SEMA5B: variants seen among roughly 807,000 people sequenced by gnomAD.
SEMA5B encodes the protein semaphorin-5B.
In SEMA5B, 66 loss-of-function variants were observed where a neutral mutation model predicts 135.0. The ratio of observed to expected loss-of-function variants is 0.49; its 90% CI spans 0.40 to 0.60. SEMA5B has a LOEUF of 0.60. Among genes scored for constraint, SEMA5B ranks in the 20% least tolerant of loss-of-function variants. The pLI, the probability that SEMA5B is intolerant of heterozygous loss-of-function variation, is 0.00. For missense variants in SEMA5B, 1,501 were observed against 1,566.3 expected, an observed-to-expected ratio of 0.96 and a Z score of 0.70; for synonymous variants, 690 against 639.5, an observed-to-expected ratio of 1.08 and a Z score of -1.19.
At chr3:122,941,565 C>T (rs989552451) in intron 4 of SEMA5B, among the ~76,000 whole-genome samples, 6 of 152,384 alleles carry the variant, frequency 3.9e-5, no homozygotes, top group Admixed American at 2.6e-4. Context: ...AGATTAAATA[C>T]ATGTGTGATT....
At chr3:123,020,112 G>T (rs188967144) in intron 1 of SEMA5B, among the ~76,000 whole-genome samples, 1 of 152,206 alleles carries the variant, frequency 6.6e-6, no homozygotes, top group African/African-American at 2.4e-5. Flanking sequence ...ATCATTGATA[G>T]GCACAAAGAT....
chr3:122,915,618 G>T lies in SEMA5B; in HGVS notation c.1810C>A (p.Arg604=), dbSNP rs757738307. 3.7e-6 allele frequency: 6 copies of T among 1,610,896 alleles called. No homozygotes were observed. Among genetic ancestry groups the T allele is most frequent in the Admixed American group, 1.7e-5 (1 of 59,808 alleles). ...AAGCCCCCATCCCGTGTCACATTCC[G>T]CACCTGAAGACACACATGGGAGACA... ...WTQNITACPV[R]NVTRDGGFGP... Residue 604 remains arginine, a synonymous_variant, in exon 14 of 23, where the codon CGG becomes AGG. Coordinates refer to ENST00000357599, the MANE Select transcript of SEMA5B (RefSeq NM_001031702.4).
intron 8 of SEMA5B, 121 bp from the exon 9 acceptor site, chr3:122,926,798 A>G: frequency 8.7e-7 from 1 of 1,142,886 alleles, no homozygotes; most frequent in Non-Finnish European, 1.3e-6. Flanking sequence ...TTCTCTCTGC[A>G]ATCTTGGTGA....
intron 4 of SEMA5B, among the ~76,000 whole-genome samples, chr3:122,940,219 T>G (rs534646726): frequency 6.6e-6 from 1 of 152,210 alleles, no homozygotes; most frequent in Non-Finnish European, 1.5e-5. Context: ...TATCAGACAC[T>G]TATTGAGTAT....
rs745739010 is a variant in SEMA5B at position 122,961,180 on chromosome 3, A to G, written c.84T>C (p.Cys28=). Residue 28 remains cysteine, a synonymous_variant, in exon 2 of 23, where the codon TGT becomes TGC. Transcript: ENST00000357599. Reference sequence around the variant, plus strand: ...GAAGCCAGCCCCCTACTGTCCATCCACACCTTAGCTGTTGGGCTGGGGTAT... The same window carrying G: ...GAAGCCAGCCCCCTACTGTCCATCCGCACCTTAGCTGTTGGGCTGGGGTAT... ...PPDTPAQQLR[C]GWTVGGWLLS... is the part of the protein sequence containing the mutation. 34 of 1,613,442 alleles carry G rather than the reference A, an allele frequency of 2.1e-5. No individual in the cohort carries two copies. In the East Asian group the frequency reaches 7.6e-4, roughly 36 times the overall value.
intron 12 of SEMA5B, among the ~76,000 whole-genome samples, chr3:122,921,192 G>A (rs1466284716): frequency 1.3e-5 from 2 of 152,250 alleles, no homozygotes; most frequent in African/African-American, 4.8e-5. Flanking sequence ...GGCTGTGGTG[G>A]TGCCAGCTTC....
At chr3:122,928,701 G>T in intron 6 of SEMA5B, 86 bp from the exon 7 acceptor site, 3 of 1,020,898 alleles carry the variant, frequency 2.9e-6, no homozygotes, top group Non-Finnish European at 4.4e-6. Context: ...CGTCATGGAT[G>T]CCAACAAGTA....
chr3:122,996,252 C>T (rs975883917), intron 1 of SEMA5B, among the ~76,000 whole-genome samples: 12 of 152,228 alleles, frequency 7.9e-5, no homozygotes, highest in Non-Finnish European at 1.3e-4. Flanking sequence ...CTGGCCTTGG[C>T]GGCTACGGGT....
chr3:123,010,593 A>C (rs780224624), intron 1 of SEMA5B, among the ~76,000 whole-genome samples: 1 of 151,916 alleles, frequency 6.6e-6, no homozygotes, highest in Non-Finnish European at 1.5e-5. Flanking sequence ...GGCAGATCAC[A>C]AGGTCAAGAC....
intron 5 of SEMA5B, among the ~76,000 whole-genome samples, chr3:122,935,289 C>T (rs1245962634): frequency 2.7e-5 from 4 of 149,754 alleles, no homozygotes; most frequent in Admixed American, 1.3e-4. Context: ...CAAAGACTCC[C>T]TTAGTCTCCT....
chr3:122,974,100 C>A (rs1408028553), intron 1 of SEMA5B, among the ~76,000 whole-genome samples: 1 of 146,338 alleles, frequency 6.8e-6, no homozygotes, highest in Non-Finnish European at 1.5e-5. Context: ...AGGCACACCA[C>A]CCCCCATCTG....
intron 1 of SEMA5B, among the ~76,000 whole-genome samples, chr3:122,981,950 C>T (rs1941533488): frequency 1.3e-5 from 2 of 152,204 alleles, no homozygotes; most frequent in Admixed American, 1.3e-4. Flanking sequence ...CATGGCAGGT[C>T]ATCAGCCCCT....
intron 5 of SEMA5B, among the ~76,000 whole-genome samples, chr3:122,932,243 ATTT>A (rs71136597): frequency 2.3e-4 from 20 of 85,388 alleles, no homozygotes; most frequent in South Asian, 1.1e-3. Context: ...TCTCAATATG[ATTT>A]TTTTTTTTTT....
At position 122,956,872 on chromosome 3, in the gene SEMA5B, G is replaced by A. The variant is rs140473029; in HGVS notation, c.124+4268C>T. Among the ~76,000 whole-genome samples, 491 of 152,282 alleles carry A rather than the reference G, an allele frequency of 3.2e-3. 4 individuals carry two copies. The highest frequency in any genetic ancestry group is 0.011 in the African/African-American group (470 of 41,568). On this transcript the variant is annotated intron_variant, in intron 2 of 22. Transcript: ENST00000357599. Reference sequence around the variant, plus strand: ...AAAACGTCCTGGGAAAGCGGGTGACGGGCTGCAGTCAGGCGGGTGTCTAAG... The same window carrying A: ...AAAACGTCCTGGGAAAGCGGGTGACAGGCTGCAGTCAGGCGGGTGTCTAAG...
intron 1 of SEMA5B, among the ~76,000 whole-genome samples, chr3:122,998,927 G>T (rs1045197000): frequency 7.2e-5 from 11 of 152,180 alleles, no homozygotes; most frequent in African/African-American, 2.4e-4. Context: ...GACTTTGAGG[G>T]TGGGAAGACA....
At chr3:122,937,659 C>T (rs1292649548) in intron 5 of SEMA5B, among the ~76,000 whole-genome samples, 1 of 152,154 alleles carries the variant, frequency 6.6e-6, no homozygotes, top group Non-Finnish European at 1.5e-5. Context: ...CAAGCCTGAG[C>T]TATGGGCTGC....
intron 2 of SEMA5B, among the ~76,000 whole-genome samples, chr3:122,957,864 T>C (rs1940403403): frequency 6.6e-6 from 1 of 152,216 alleles, no homozygotes; most frequent in African/African-American, 2.4e-5. Context: ...AGCCTTATCG[T>C]TGCATTCCAC....
chr3:122,911,325 G>A (rs762374090), intron 21 of SEMA5B, 166 bp downstream of exon 21: 5 of 1,523,128 alleles, frequency 3.3e-6, no homozygotes, highest in South Asian at 1.2e-5. Context: ...AGCTGGGGGG[G>A]GCATGGAGGG....
intron 4 of SEMA5B, among the ~76,000 whole-genome samples, chr3:122,941,642 A>T (rs1194168869): frequency 6.6e-6 from 1 of 152,272 alleles, no homozygotes; most frequent in Non-Finnish European, 1.5e-5. Flanking sequence ...TGCCTGGCAC[A>T]TGGCCGGTGC....
Sources: gnomAD v4.1 joint callset for allele counts (sites outside exome capture counted in the v4.1 genomes callset) on GRCh38, gnomAD v4.1.1 for gene constraint, MANE v1.5 for transcripts, NCBI Gene and HGNC (gene_info 2026-07-23, HGNC 2026-07-21) for gene names.